KCNMB4: variants seen among roughly 807,000 people sequenced by gnomAD.
The protein encoded by KCNMB4 is potassium calcium-activated channel subfamily M regulatory beta subunit 4.
KCNMB4 carries 3 observed loss-of-function variants against 20.7 expected under a neutral mutation model. The observed-to-expected ratio is 0.14, with a 90% confidence interval of 0.07 to 0.37. The LOEUF (loss-of-function observed/expected upper bound fraction) is 0.37. KCNMB4 is among the 10% of genes least tolerant of loss of function. KCNMB4 has a pLI of 1.00. For missense variants in KCNMB4, 168 were observed against 265.9 expected (o/e 0.63, Z 2.56); for synonymous variants, 110 against 113.4 (o/e 0.97, Z 0.19).
chr12:70,369,881 G>A (rs1250156256), intron 1 of KCNMB4, among the ~76,000 whole-genome samples: 3 of 152,110 alleles, frequency 2.0e-5, no homozygotes, highest in African/African-American at 7.2e-5. Flanking sequence ...ATTGTCCACA[G>A]GGAGATTATC....
At chr12:70,398,974 A>G (rs990388216) in intron 1 of KCNMB4, among the ~76,000 whole-genome samples, 4 of 152,234 alleles carry the variant, frequency 2.6e-5, no homozygotes, top group African/African-American at 9.6e-5. Flanking sequence ...AGCTTAAAAT[A>G]AAGGAGATTT....
At chr12:70,375,955 T>C (rs996220177) in intron 1 of KCNMB4, among the ~76,000 whole-genome samples, 6 of 152,100 alleles carry the variant, frequency 3.9e-5, no homozygotes, top group Admixed American at 3.3e-4. Context: ...TGGGAAGTGT[T>C]CCCCCTTCTG....
At chr12:70,405,065 AAGG>A (rs1478065483) in intron 2 of KCNMB4, among the ~76,000 whole-genome samples, 11 of 152,214 alleles carry the variant, frequency 7.2e-5, no homozygotes, top group African/African-American at 2.7e-4. Context: ...AGAGTATTTT[AAGG>A]AGAAGAAGTT....
At position 70,431,635 on chromosome 12, in the gene KCNMB4, G is replaced by A. The variant is rs1340885817; in HGVS notation, c.*982G>A. The A allele has an allele frequency of 6.6e-6, 1 of 151,588 alleles. No individual in the cohort carries two copies. Among genetic ancestry groups the A allele is most frequent in the African/African-American group, 2.4e-5 (1 of 41,222 alleles). 9.4% of individuals were successfully genotyped at this position (151,588 alleles called of 1,614,324 possible). On this transcript the variant is annotated 3_prime_UTR_variant, in exon 3 of 3. Coordinates refer to ENST00000258111, the MANE Select transcript of KCNMB4 (RefSeq NM_014505.6). Reference sequence around the variant, plus strand: ...TTGCTGCCATTGTGCAGTTTGCTTAGACAAACCTGGAGATGCAACCCAGCT... The same window carrying A: ...TTGCTGCCATTGTGCAGTTTGCTTAAACAAACCTGGAGATGCAACCCAGCT...
At position 70,400,349 on chromosome 12, in the gene KCNMB4, T is replaced by A. The variant is rs1868417822; in HGVS notation, c.464+13T>A. The A allele has an allele frequency of 6.2e-7, 1 of 1,601,608 alleles. No homozygotes were observed. Among genetic ancestry groups the A allele is most frequent in the Non-Finnish European group, 8.5e-7 (1 of 1,175,966 alleles). On this transcript the variant is annotated intron_variant, in intron 2 of 2. Coordinates refer to ENST00000258111, the MANE Select transcript of KCNMB4 (RefSeq NM_014505.6). Reference sequence around the variant, plus strand: ...ATCAACATCAAAGGTAAGTCAATATTTGCATGTGCGTGTTAAAATTGTTTG... The same window carrying A: ...ATCAACATCAAAGGTAAGTCAATATATGCATGTGCGTGTTAAAATTGTTTG...
At chr12:70,392,490 A>G (rs1203839256) in intron 1 of KCNMB4, among the ~76,000 whole-genome samples, 1 of 152,208 alleles carries the variant, frequency 6.6e-6, no homozygotes, top group East Asian at 1.9e-4. Flanking sequence ...CTGGGTGTAT[A>G]CCCAAAGGAT....
chr12:70,418,135 C>A (rs1868957921), intron 2 of KCNMB4, among the ~76,000 whole-genome samples: 1 of 152,096 alleles, frequency 6.6e-6, no homozygotes, highest in Non-Finnish European at 1.5e-5. Context: ...GGGGGGATTC[C>A]TTACCCACCT....
chr12:70,408,763 A>G (rs949348197), intron 2 of KCNMB4, among the ~76,000 whole-genome samples: 4 of 152,154 alleles, frequency 2.6e-5, no homozygotes, highest in Non-Finnish European at 4.4e-5. Context: ...CAAAATGTGT[A>G]GATTTTGTTT....
At chr12:70,368,160 A>T (rs966682543) in intron 1 of KCNMB4, among the ~76,000 whole-genome samples, 2 of 152,170 alleles carry the variant, frequency 1.3e-5, no homozygotes, top group African/African-American at 4.8e-5. Context: ...CCAAAAGGGA[A>T]TGCATCTTGT....
rs1319445275 is a variant in KCNMB4, at chr12:70,431,851, A to G, written c.*1198A>G. On this transcript the variant is annotated 3_prime_UTR_variant, in exon 3 of 3. Transcript: ENST00000258111. ...GATGTACATCGTTAGTGGAGGAAAAACTGACAACCTAATTTCATTTGTTTT... is the reference window on the plus strand; with the variant it reads ...GATGTACATCGTTAGTGGAGGAAAAGCTGACAACCTAATTTCATTTGTTTT... 6.6e-6 allele frequency: 1 copy of G among 152,146 alleles called. No homozygotes were observed. Among genetic ancestry groups the G allele is most frequent in the African/African-American group, 2.4e-5 (1 of 41,442 alleles). The allele number at this position is 152,146 out of a possible 1,614,324, so 9.4% of individuals were successfully genotyped here. A position where few individuals can be genotyped will look rare whatever the true frequency, so the allele number is the denominator to read the frequency against.
intron 2 of KCNMB4, among the ~76,000 whole-genome samples, chr12:70,429,501 C>T (rs1212675610): frequency 6.6e-6 from 1 of 151,922 alleles, no homozygotes; most frequent in African/African-American, 2.4e-5. Context: ...CCCGTCTCTA[C>T]TAAAAATACA....
intron 2 of KCNMB4, among the ~76,000 whole-genome samples, chr12:70,421,470 GA>G (rs61303899): frequency 0.54 from 40,958 of 75,954 alleles, 7,363 homozygotes; most frequent in Middle Eastern, 0.72. Context: ...TCTCAAAAAA[GA>G]AAAAAAAAAA....
In KCNMB4 at chr12:70,411,798, G is replaced by A. The variant is rs534478359; in HGVS notation, c.464+11462G>A. On this transcript the variant is annotated intron_variant, in intron 2 of 2. Transcript: ENST00000258111. ...GTCTAAAAAAAGAAAAAAGAAAGTG[G>A]TAGATGAACTGAAGAGGTTGAAATA... Among the ~76,000 whole-genome samples, 3 of 152,276 alleles carry A rather than the reference G, an allele frequency of 2.0e-5. No homozygotes were observed. The South Asian group carries it at 6.2e-4, about 32-fold the overall frequency.
At chr12:70,402,362 G>A (rs1281811658) in intron 2 of KCNMB4, among the ~76,000 whole-genome samples, 1 of 152,022 alleles carries the variant, frequency 6.6e-6, no homozygotes, top group Non-Finnish European at 1.5e-5. Context: ...GAAATGCAAG[G>A]CCAGGCATGG....
At chr12:70,392,623 C>G (rs550414547) in intron 1 of KCNMB4, among the ~76,000 whole-genome samples, 1 of 152,066 alleles carries the variant, frequency 6.6e-6, no homozygotes, top group Admixed American at 6.6e-5. Context: ...AAATGTGGCA[C>G]GTATACACCA....
Position 70,367,010 on chromosome 12 carries a change from T to G in KCNMB4, c.276T>G (p.Ser92=), listed in dbSNP as rs1565850976. ...YPCVQVYVNN[S]ESNSRALLHS... is the part of the protein sequence containing the mutation. The stretch of plus-strand genomic sequence containing the variant: ...GCGTCCAGGTCTACGTGAACAACTC[T>G]GAGTCCAACTCTAGGGCGCTGCTGC... Residue 92 remains serine (S), a synonymous_variant, in exon 1 of 3, where the codon TCT becomes TCG. Transcript: ENST00000258111. 6.3e-7 allele frequency: 1 copy of G among 1,592,800 alleles called. No homozygotes were observed. Among genetic ancestry groups the G allele is most frequent in the South Asian group, 1.1e-5 (1 of 89,340 alleles).
intron 1 of KCNMB4, among the ~76,000 whole-genome samples, chr12:70,377,157 T>C (rs960675107): frequency 3.7e-4 from 56 of 152,256 alleles, no homozygotes; most frequent in African/African-American, 1.3e-3. Context: ...TCTTTTTGCA[T>C]AAATTGACGA....
Position 70,431,417 on chromosome 12 carries a change from G to A in KCNMB4, c.*764G>A, listed in dbSNP as rs887504746. The A allele has an allele frequency of 1.3e-5, 2 of 151,732 alleles. No individual in the cohort carries two copies. The highest frequency in any genetic ancestry group is 2.9e-5 in the Non-Finnish European group (2 of 68,000). 9.4% of individuals were successfully genotyped at this position (151,732 alleles called of 1,614,324 possible). On this transcript the variant is annotated 3_prime_UTR_variant, in exon 3 of 3. Coordinates refer to ENST00000258111, the MANE Select transcript of KCNMB4 (RefSeq NM_014505.6). ...TGGGCTTCCTTATTCATCTGTTCTTGTTGTTTTTGACGGAGTTAAAAAAGT... is the reference window on the plus strand; with the variant it reads ...TGGGCTTCCTTATTCATCTGTTCTTATTGTTTTTGACGGAGTTAAAAAAGT...
intron 2 of KCNMB4, among the ~76,000 whole-genome samples, chr12:70,407,562 G>A (rs968775385): frequency 1.4e-5 from 2 of 140,314 alleles, no homozygotes; most frequent in African/African-American, 5.4e-5. Context: ...CCGCCTCCCG[G>A]GTTCACACCA....
Sources: allele counts gnomAD v4.1 joint callset (sites outside exome capture counted in the v4.1 genomes callset), GRCh38; gene constraint gnomAD v4.1.1; transcripts MANE v1.5; gene names NCBI Gene and HGNC (gene_info 2026-07-23, HGNC 2026-07-21).